The following PDE7A variants were observed in gnomAD, a reference collection of about 807,000 sequenced individuals.
PDE7A encodes phosphodiesterase 7A.
A neutral mutation model predicts 64.3 loss-of-function variants in PDE7A; 39 were observed. That is an observed-to-expected ratio of 0.61 (90% CI 0.47 to 0.79). PDE7A has a LOEUF of 0.79. Ranked by LOEUF, PDE7A falls within the 30% of genes least tolerant of loss-of-function variation. The pLI, the probability that PDE7A is intolerant of heterozygous loss-of-function variation, is 0.00. For missense variants in PDE7A, 470 were observed against 582.8 expected, an observed-to-expected ratio of 0.81 and a Z score of 1.99; for synonymous variants, 203 against 206.8, an observed-to-expected ratio of 0.98 and a Z score of 0.16.
intron 3 of PDE7A, among the ~76,000 whole-genome samples, chr8:65,751,472 G>C (rs909188157): frequency 5.9e-5 from 9 of 151,892 alleles, no homozygotes; most frequent in African/African-American, 1.7e-4. Context: ...TATCCTTCCT[G>C]AGGTTTTTTT....
chr8:65,757,531 A>G (rs959454021), intron 3 of PDE7A, among the ~76,000 whole-genome samples: 1 of 152,200 alleles, frequency 6.6e-6, no homozygotes, highest in East Asian at 1.9e-4. Context: ...GCAAACATAC[A>G]GTGTTATTCT....
At chr8:65,777,824 C>A (rs1026383496) in intron 3 of PDE7A, among the ~76,000 whole-genome samples, 10 of 152,046 alleles carry the variant, frequency 6.6e-5, no homozygotes. Flanking sequence ...ACTTTTAATT[C>A]TTTGTCTTTG....
Position 65,717,694 on chromosome 8 carries a change from A to G in PDE7A, c.*1596T>C, listed in dbSNP as rs1028002177. The G allele has an allele frequency of 6.6e-6, 1 of 152,252 alleles. No homozygotes were observed. The highest frequency in any genetic ancestry group is 2.4e-5 in the African/African-American group (1 of 41,470). The allele number at this position is 152,252 out of a possible 1,614,324, so 9.4% of individuals were successfully genotyped here. A position where few individuals can be genotyped will look rare whatever the true frequency, so the allele number is the denominator to read the frequency against. ...GTCAAAGATAAAAATATGAAAAGATAGGTTTTTATTCATCAAAAGTTAACA... is the reference window on the plus strand; with the variant it reads ...GTCAAAGATAAAAATATGAAAAGATGGGTTTTTATTCATCAAAAGTTAACA... On this transcript the variant is annotated 3_prime_UTR_variant, in exon 13 of 13. Transcript: ENST00000401827.
chr8:65,771,906 A>AAG (rs1809104939), intron 3 of PDE7A, among the ~76,000 whole-genome samples: 2 of 145,730 alleles, frequency 1.4e-5, no homozygotes, highest in African/African-American at 5.4e-5. Context: ...AAAAAAAAAA[A>AAG]AGAAGAAGAA....
At chr8:65,804,290 G>A (rs1810061400) in intron 1 of PDE7A, among the ~76,000 whole-genome samples, 1 of 152,040 alleles carries the variant, frequency 6.6e-6, no homozygotes, top group Admixed American at 6.5e-5. Flanking sequence ...AGTTACTCAT[G>A]ATTTCCTGAA....
At chr8:65,823,757 G>C (rs1810599019) in intron 1 of PDE7A, among the ~76,000 whole-genome samples, 1 of 151,998 alleles carries the variant, frequency 6.6e-6, no homozygotes, top group Non-Finnish European at 1.5e-5. Flanking sequence ...GTATATTGAA[G>C]ACAAAAAGTT....
intron 3 of PDE7A, among the ~76,000 whole-genome samples, chr8:65,777,265 G>A (rs1809287982): frequency 6.6e-6 from 1 of 152,050 alleles, no homozygotes; most frequent in African/African-American, 2.4e-5. Context: ...TTTTAGTAGA[G>A]ACGGGGTTTC....
chr8:65,783,666 A>AC (rs1469931559), intron 1 of PDE7A, among the ~76,000 whole-genome samples: 1 of 152,206 alleles, frequency 6.6e-6, no homozygotes, highest in Non-Finnish European at 1.5e-5. Context: ...TAAAAGCTCC[A>AC]CAAGAGCAGA....
intron 1 of PDE7A, among the ~76,000 whole-genome samples, chr8:65,838,232 G>A (rs1277375007): frequency 1.3e-5 from 2 of 152,104 alleles, no homozygotes; most frequent in Non-Finnish European, 2.9e-5. Context: ...ACCTACCTAT[G>A]CAAAGTACCA....
chr8:65,730,171 C>CT lies in PDE7A; in HGVS notation c.697-2871dup, dbSNP rs1179431555. The stretch of plus-strand genomic sequence containing the variant: ...TGTGAGGGATCCAGGTTGCGCACTT[C>CT]TTTTTTTTTTTTTTTTTTTTTTTTT... On this transcript the variant is annotated intron_variant, in intron 7 of 12. Transcript: ENST00000401827. Among the ~76,000 whole-genome samples the CT allele has an allele frequency of 9.6e-4, 83 of 86,438 alleles. 8 individuals carry two copies. In the East Asian group the frequency reaches 0.012, roughly 12 times the overall value. The allele number at this position is 86,438 out of a possible 152,430, so 56.7% of individuals were successfully genotyped here.
intron 1 of PDE7A, among the ~76,000 whole-genome samples, chr8:65,825,199 T>C (rs375398390): frequency 7.2e-5 from 11 of 152,220 alleles, no homozygotes; most frequent in African/African-American, 2.7e-4. Context: ...TGGTCTTTAC[T>C]TCTTTACATT....
At chr8:65,764,687 G>A (rs1286478817) in intron 3 of PDE7A, among the ~76,000 whole-genome samples, 1 of 151,828 alleles carries the variant, frequency 6.6e-6, no homozygotes, top group East Asian at 1.9e-4. Context: ...TAATCAGTAC[G>A]ATATGAGCTT....
At chr8:65,750,717 A>C (rs1807907149) in intron 3 of PDE7A, among the ~76,000 whole-genome samples, 1 of 152,034 alleles carries the variant, frequency 6.6e-6, no homozygotes, top group Non-Finnish European at 1.5e-5. Context: ...CCATGAAATC[A>C]TGGTTGTATC....
At chr8:65,743,581 T>C (rs149438580) in intron 5 of PDE7A, among the ~76,000 whole-genome samples, 3 of 152,326 alleles carry the variant, frequency 2.0e-5, no homozygotes, top group African/African-American at 7.2e-5. Context: ...GACAAAGGTA[T>C]TTCCACTAGG....
In PDE7A at chr8:65,841,359, G is replaced by C; in HGVS notation, c.138+12C>G. On this transcript the variant is annotated intron_variant, in intron 1 of 12. Transcript: ENST00000401827. Reference sequence around the variant, plus strand: ...AGAAGCCCTCAAGTGTGGGCCCGGCGGCGGCGATTACCTGAGAGAGCTGCC... The same window carrying C: ...AGAAGCCCTCAAGTGTGGGCCCGGCCGCGGCGATTACCTGAGAGAGCTGCC... The C allele has an allele frequency of 6.5e-7, 1 of 1,530,644 alleles. No homozygotes were observed. The highest frequency in any genetic ancestry group is 8.8e-7 in the Non-Finnish European group (1 of 1,141,616). 94.8% of individuals were successfully genotyped at this position (1,530,644 alleles called of 1,614,324 possible).
chr8:65,737,717 C>G (rs1197891100), intron 6 of PDE7A, among the ~76,000 whole-genome samples: 1 of 152,118 alleles, frequency 6.6e-6, no homozygotes, highest in Admixed American at 6.6e-5. Flanking sequence ...CGGGGTTTCA[C>G]CATGTTGGCC....
At chr8:65,788,458 G>A (rs577243477) in intron 1 of PDE7A, among the ~76,000 whole-genome samples, 29 of 152,040 alleles carry the variant, frequency 1.9e-4, no homozygotes, top group Admixed American at 3.3e-4. Flanking sequence ...GTGGTTTTTC[G>A]TTTTTAAAAA....
chr8:65,765,849 T>A (rs1220015650), intron 3 of PDE7A, among the ~76,000 whole-genome samples: 1 of 152,260 alleles, frequency 6.6e-6, no homozygotes, highest in African/African-American at 2.4e-5. Context: ...CTTTAATGTT[T>A]AAGACATTAG....
In PDE7A at chr8:65,842,039, G is replaced by A. The variant is rs1189034513; in HGVS notation, c.-531C>T. ...CCCCGGAGCCTGACTTCACTCCGCC[G>A]CCGGCGCGAGCCCGGCGTAATTCAC... On this transcript the variant is annotated 5_prime_UTR_variant, in exon 1 of 13. Transcript: ENST00000401827. 1.0e-5 allele frequency: 2 copies of A among 200,958 alleles called. No individual in the cohort carries two copies. Among genetic ancestry groups the A allele is most frequent in the Non-Finnish European group, 1.9e-5 (2 of 102,702 alleles). 12.4% of individuals were successfully genotyped at this position (200,958 alleles called of 1,614,324 possible).
Sources: gnomAD v4.1 joint callset for allele counts (sites outside exome capture counted in the v4.1 genomes callset) on GRCh38, gnomAD v4.1.1 for gene constraint, MANE v1.5 for transcripts, NCBI Gene and HGNC (gene_info 2026-07-23, HGNC 2026-07-21) for gene names.